CAND1: variants seen among roughly 807,000 people sequenced by gnomAD.
CAND1 encodes cullin associated and neddylation dissociated 1.
In CAND1, 7 loss-of-function variants were observed where a neutral mutation model predicts 108.5. The observed-to-expected ratio is 0.06, with a 90% CI of 0.04 to 0.12. CAND1 has a LOEUF of 0.12. CAND1 is among the 10% of genes least tolerant of loss of function. The pLI is 1.00. For synonymous variants in CAND1, 534 were observed against 512.0 expected, an observed-to-expected ratio of 1.04 and a Z score of -0.58; for missense variants, 941 against 1,448.7, an observed-to-expected ratio of 0.65 and a Z score of 5.69.
chr12:67,292,404 T>C (rs2136004968), intron 2 of CAND1, among the ~76,000 whole-genome samples: 1 of 152,332 alleles, frequency 6.6e-6, no homozygotes, highest in African/African-American at 2.4e-5. Flanking sequence ...AGTTTCATGA[T>C]ACTAGGATGG....
intron 2 of CAND1, among the ~76,000 whole-genome samples, chr12:67,290,037 G>A (rs987429292): frequency 1.3e-5 from 2 of 152,068 alleles, no homozygotes; most frequent in Non-Finnish European, 2.9e-5. Context: ...GACATTAAGA[G>A]TTCTCTGTAA....
Position 67,309,975 on chromosome 12 carries a change from G to A in CAND1, c.3100G>A (p.Ala1034Thr). ...RVALVTFNSA[A>T]HNKPSLIRDL... ...AGCCTTGGTCACATTTAATTCAGCA[G>A]CACATAACAAGCCATCATTAATAAG... The change falls in exon 12 of 15, where the codon GCA becomes ACA. Residue 1034 changes from alanine (A) to threonine (T), a missense_variant. Physicochemically the swap from Ala to Thr is moderately conservative, Grantham distance 58. Around this residue, in one of 9 missense-constraint regions of CAND1, gnomAD observed 106 missense variants for 182.0 expected, o/e 0.58. Transcript: ENST00000545606. 6.2e-7 allele frequency: 1 copy of A among 1,612,496 alleles called. No homozygotes were observed. Among genetic ancestry groups the A allele is most frequent in the Non-Finnish European group, 8.5e-7 (1 of 1,178,748 alleles).
rs2045042469 is a variant in CAND1, at chr12:67,319,787, C to G, written c.*6957C>G. ...CCCTCCTTGTCTGGTTTGTGACTTT[C>G]TGTACTCTGATGCCCCCAGCTTTCT... On this transcript the variant is annotated 3_prime_UTR_variant, in exon 15 of 15. Coordinates refer to ENST00000545606, the MANE Select transcript of CAND1 (RefSeq NM_018448.5). 6.6e-6 allele frequency: 1 copy of G among 152,226 alleles called. No individual in the cohort carries two copies. The highest frequency in any genetic ancestry group is 6.5e-5 in the Admixed American group (1 of 15,278). 9.4% of individuals were successfully genotyped at this position (152,226 alleles called of 1,614,324 possible). A position where few individuals can be genotyped will look rare whatever the true frequency, so the allele number is the denominator to read the frequency against.
intron 6 of CAND1, 66 bp from the exon 7 acceptor site, chr12:67,298,884 T>C: frequency 1.1e-6 from 1 of 920,044 alleles, no homozygotes; most frequent in Non-Finnish European, 1.8e-6. Flanking sequence ...TAAAGCAAAA[T>C]GTGGCAGGTA....
Position 67,304,625 on chromosome 12 carries a change from T to C in CAND1, c.1314T>C (p.Ala438=). The C allele has an allele frequency of 6.2e-7, 1 of 1,613,658 alleles. No homozygotes were observed. Among genetic ancestry groups the C allele is most frequent in the Non-Finnish European group, 8.5e-7 (1 of 1,179,884 alleles). ...LQSQVPNIVK[A]LHKQMKEKSV... is the part of the protein sequence containing the mutation. ...TGCAGGTTCCCAACATTGTTAAAGC[T>C]CTTCACAAACAGATGAAAGAAAAAA... Residue 438 remains alanine, a synonymous_variant, in exon 9 of 15, where the codon GCT becomes GCC. Transcript: ENST00000545606.
intron 1 of CAND1, among the ~76,000 whole-genome samples, chr12:67,278,959 A>G (rs2044595088): frequency 6.6e-6 from 1 of 152,222 alleles, no homozygotes. Flanking sequence ...GACAGCAAGA[A>G]TTGTGTGTGC....
chr12:67,292,797 C>T lies in CAND1; in HGVS notation c.367+21C>T, dbSNP rs1301728318. 4 of 1,610,698 alleles carry T rather than the reference C, an allele frequency of 2.5e-6. No individual in the cohort carries two copies. The South Asian group carries it at 3.3e-5, about 13-fold the overall frequency. On this transcript the variant is annotated intron_variant, in intron 3 of 14. Transcript: ENST00000545606. ...CAGTGGTAAGCAAGAGCACATTTTTCTTCCTATTTCTTTTTGTGTGGAGGT... is the reference window on the plus strand; with the variant it reads ...CAGTGGTAAGCAAGAGCACATTTTTTTTCCTATTTCTTTTTGTGTGGAGGT...
chr12:67,284,943 A>G (rs762687493), intron 2 of CAND1, among the ~76,000 whole-genome samples: 5 of 152,226 alleles, frequency 3.3e-5, no homozygotes, highest in African/African-American at 1.2e-4. Context: ...AGTTAGAGGC[A>G]TAAGAATTGA....
chr12:67,311,620 T>C (rs754037883), intron 13 of CAND1, 73 bp from the exon 14 acceptor site: 13 of 637,444 alleles, frequency 2.0e-5, no homozygotes, highest in African/African-American at 5.7e-5. Context: ...CTTTAAAGGA[T>C]TTGTCAGAAT....
Position 67,307,429 on chromosome 12 carries a change from G to T in CAND1, c.2962G>T (p.Ala988Ser). The part of the protein sequence containing the change: ...SSYARSSVVT[A>S]VKFTISDHPQ... ...ATATGCCCGAAGCTCAGTGGTTACG[G>T]CTGTGAAATTTACAATTTCTGACCA... is the stretch of plus-strand genomic sequence containing the variant. The change falls in exon 11 of 15, where the codon GCT becomes TCT. Residue 988 changes from alanine to serine, a missense_variant. Around this residue, in one of 9 missense-constraint regions of CAND1, gnomAD observed 106 missense variants for 182.0 expected, o/e 0.58. Transcript: ENST00000545606. 6.2e-7 allele frequency: 1 copy of T among 1,611,342 alleles called. No individual in the cohort carries two copies. Among genetic ancestry groups the T allele is most frequent in the South Asian group, 1.1e-5 (1 of 90,666 alleles).
intron 2 of CAND1, among the ~76,000 whole-genome samples, chr12:67,290,912 C>T (rs1451393024): frequency 2.6e-5 from 4 of 152,136 alleles, no homozygotes; most frequent in Non-Finnish European, 5.9e-5. Context: ...CATAGGAGCA[C>T]GAACCCTATT....
chr12:67,292,452 T>C (rs775312), intron 2 of CAND1, among the ~76,000 whole-genome samples, 170 bp from the exon 3 acceptor site: 74,576 of 152,076 alleles, frequency 0.49, 19,602 homozygotes, highest in Non-Finnish European at 0.59. Flanking sequence ...ACTGCAAAAA[T>C]CTTAACCAAT....
intron 4 of CAND1, among the ~76,000 whole-genome samples, chr12:67,296,282 G>A (rs1408344322): frequency 6.6e-5 from 10 of 152,062 alleles, no homozygotes; most frequent in Middle Eastern, 3.4e-3. Context: ...TTGGAAGAGG[G>A]GTGTTGGAAC....
At chr12:67,288,176 G>A (rs1003424493) in intron 2 of CAND1, among the ~76,000 whole-genome samples, 1 of 150,028 alleles carries the variant, frequency 6.7e-6, no homozygotes, top group African/African-American at 2.5e-5. Flanking sequence ...CTGTCACCCA[G>A]GCTGGAGTGC....
At chr12:67,271,882 A>G (rs1183275705) in intron 1 of CAND1, among the ~76,000 whole-genome samples, 1 of 152,238 alleles carries the variant, frequency 6.6e-6, no homozygotes, top group African/African-American at 2.4e-5. Context: ...TTAATAAACA[A>G]GTCTTTGGAA....
chr12:67,312,914 G>A lies in CAND1; in HGVS notation c.*84G>A, dbSNP rs982339181. On this transcript the variant is annotated 3_prime_UTR_variant, in exon 15 of 15. Transcript: ENST00000545606. The stretch of plus-strand genomic sequence containing the variant: ...TTAATCATAAGACATGGAAAGAGAA[G>A]TGTCTAAAAGCTTCAAAATGTTCCA... The A allele has an allele frequency of 3.4e-6, 3 of 872,666 alleles. No homozygotes were observed. Among genetic ancestry groups the A allele is most frequent in the Non-Finnish European group, 5.2e-6 (3 of 579,482 alleles). The allele number at this position is 872,666 out of a possible 1,614,324, so 54.1% of individuals were successfully genotyped here.
In CAND1 at chr12:67,278,817, G is replaced by T. The variant is rs145697486; in HGVS notation, c.69-3093G>T. Among the ~76,000 whole-genome samples the T allele has an allele frequency of 3.8e-4, 58 of 152,262 alleles. No homozygotes were observed. In the East Asian group the frequency reaches 8.7e-3, roughly 23 times the overall value. On this transcript the variant is annotated intron_variant, in intron 1 of 14. Transcript: ENST00000545606. ...TACAGGCGTGAGCCACTGGCACCTG[G>T]CCCCATAGTGTTTTCTTGATAACAC... is the stretch of plus-strand genomic sequence containing the variant.
Position 67,315,540 on chromosome 12 carries a change from G to T in CAND1, c.*2710G>T, listed in dbSNP as rs939862484. ...ATTTATAAAATCAATAGCACTGAAT[G>T]ATAATTTTTTTAATGACAGTCATGT... On this transcript the variant is annotated 3_prime_UTR_variant, in exon 15 of 15. Transcript: ENST00000545606. 1 of 151,460 alleles carries T rather than the reference G, an allele frequency of 6.6e-6. No individual in the cohort carries two copies. The highest frequency in any genetic ancestry group is 1.5e-5 in the Non-Finnish European group (1 of 67,944). The allele number at this position is 151,460 out of a possible 1,614,324, so 9.4% of individuals were successfully genotyped here. A position where few individuals can be genotyped will look rare whatever the true frequency, so the allele number is the denominator to read the frequency against.
chr12:67,295,113 G>C lies in CAND1; in HGVS notation c.448G>C (p.Val150Leu). 2.5e-6 allele frequency: 4 copies of C among 1,613,142 alleles called. No homozygotes were observed. The highest frequency in any genetic ancestry group is 3.4e-6 in the Non-Finnish European group (4 of 1,179,400). The stretch of plus-strand genomic sequence containing the variant: ...AATAGCAAAACAGGAAGATGTCTCT[G>C]TTCAGCTAGAAGCCTTGGATATTAT... ...SAIAKQEDVS[V>L]QLEALDIMAD... is the part of the protein sequence containing the mutation. The change falls in exon 4 of 15, where the codon GTT (valine) becomes CTT (leucine). Residue 150 changes from valine to leucine, a missense_variant. Coordinates refer to ENST00000545606, the MANE Select transcript of CAND1 (RefSeq NM_018448.5).
Sources: allele counts gnomAD v4.1 joint callset (sites outside exome capture counted in the v4.1 genomes callset), GRCh38; gene constraint gnomAD v4.1.1; regional missense constraint gnomAD v4.1.1; transcripts MANE v1.5; gene names NCBI Gene and HGNC (gene_info 2026-07-23, HGNC 2026-07-21).